EPB41L4A: variants seen among roughly 807,000 people sequenced by gnomAD.
EPB41L4A encodes the protein band 4.1-like protein 4A.
EPB41L4A carries 100 observed loss-of-function variants against 108.6 expected under a neutral mutation model. The observed-to-expected ratio is 0.92, with a 90% CI of 0.78 to 1.09. The LOEUF is 1.09. Ranked by LOEUF, EPB41L4A falls within the 50% of genes least tolerant of loss-of-function variation. The pLI, the probability that EPB41L4A is intolerant of heterozygous loss-of-function variation, is 0.00. For synonymous variants in EPB41L4A, 319 were observed against 289.0 expected (o/e 1.10, Z -1.05); for missense variants, 1,030 against 842.7 (o/e 1.22, Z -2.75).
intron 1 of EPB41L4A, among the ~76,000 whole-genome samples, chr5:112,380,793 A>T (rs1760124977): frequency 5.6e-5 from 1 of 17,754 alleles, no homozygotes; most frequent in Admixed American, 4.8e-4. Flanking sequence ...TCACACACAT[A>T]CACACACACA....
At chr5:112,336,448 TC>T (rs1467330729) in intron 1 of EPB41L4A, among the ~76,000 whole-genome samples, 1 of 152,176 alleles carries the variant, frequency 6.6e-6, no homozygotes, top group Non-Finnish European at 1.5e-5. Context: ...AAGGCAGATT[TC>T]CTCATCCCGC....
chr5:112,409,466 TG>T (rs1316421190), intron 1 of EPB41L4A, among the ~76,000 whole-genome samples: 1 of 152,130 alleles, frequency 6.6e-6, no homozygotes, highest in African/African-American at 2.4e-5. Context: ...ACAATTTAAA[TG>T]GGTAAGTTGT....
intron 12 of EPB41L4A, among the ~76,000 whole-genome samples, chr5:112,212,669 A>C (rs1007353909): frequency 4.6e-5 from 7 of 152,156 alleles, no homozygotes; most frequent in Non-Finnish European, 1.0e-4. Flanking sequence ...AGATATTACT[A>C]ATATTTAATA....
chr5:112,315,266 C>T (rs1173105451), intron 1 of EPB41L4A, among the ~76,000 whole-genome samples: 1 of 152,222 alleles, frequency 6.6e-6, no homozygotes, highest in African/African-American at 2.4e-5. Context: ...CTGATACTTA[C>T]ACTCTTGCAC....
In EPB41L4A at chr5:112,307,491, C is replaced by T. The variant is rs1754771280; in HGVS notation, c.100-1G>A. 6.2e-7 allele frequency: 1 copy of T among 1,605,970 alleles called. No individual in the cohort carries two copies. Among genetic ancestry groups the T allele is most frequent in the Non-Finnish European group, 8.5e-7 (1 of 1,173,134 alleles). On this transcript the variant is annotated splice_acceptor_variant, in intron 1 of 22. Transcript: ENST00000261486. LOFTEE classifies it high-confidence loss of function. ...GGACAACGGAACCTTTCGTTGACTT[C>T]TGCAAAAATAATTCAGTTTTATATT...
intron 1 of EPB41L4A, among the ~76,000 whole-genome samples, chr5:112,401,455 A>G (rs1761744764): frequency 6.6e-6 from 1 of 152,246 alleles, no homozygotes; most frequent in Non-Finnish European, 1.5e-5. Flanking sequence ...ATTAATTTTA[A>G]AGAATTTTTA....
At chr5:112,156,283 G>C (rs1335905983) in intron 12 of EPB41L4A, among the ~76,000 whole-genome samples, 2 of 152,124 alleles carry the variant, frequency 1.3e-5, no homozygotes, top group Non-Finnish European at 2.9e-5. Flanking sequence ...ATACACACAT[G>C]CTGAAACATT....
At chr5:112,196,758 G>GT (rs1761983848) in intron 15 of EPB41L4A, 1 of 152,266 alleles carries the variant, frequency 6.6e-6, no homozygotes, top group African/African-American at 2.4e-5. Flanking sequence ...CAAAAGCGGT[G>GT]TATTACACTA....
intron 4 of EPB41L4A, among the ~76,000 whole-genome samples, chr5:112,270,405 C>T (rs908820576): frequency 6.6e-6 from 1 of 152,130 alleles, no homozygotes; most frequent in East Asian, 1.9e-4. Flanking sequence ...TTTTATCTAA[C>T]CAGTCTTGAT....
At chr5:112,411,642 A>C (rs1460181292) in intron 1 of EPB41L4A, among the ~76,000 whole-genome samples, 1 of 150,346 alleles carries the variant, frequency 6.7e-6, no homozygotes. Flanking sequence ...AAAAAAAATC[A>C]CTTGTCCAAT....
chr5:112,240,743 C>G lies in EPB41L4A; in HGVS notation c.863G>C (p.Ser288Thr). 1.3e-6 allele frequency: 2 copies of G among 1,580,164 alleles called. No homozygotes were observed. Among genetic ancestry groups the G allele is most frequent in the Non-Finnish European group, 1.7e-6 (2 of 1,170,538 alleles). Residue 288 changes from serine to threonine, a missense_variant, in exon 10 of 23, where the codon AGT (serine) becomes ACT (threonine). Ser to Thr is a moderately conservative substitution (Grantham distance 58). Transcript: ENST00000261486. ...KTACKHLWKC[S>T]VEHHTFFRMP... ...CCTAAAAAATGTATGATGTTCCACA[C>G]TGCACTTCCAGAGGTGCTTGCAAGC...
intron 1 of EPB41L4A, among the ~76,000 whole-genome samples, chr5:112,382,515 C>A (rs559461840): frequency 2.6e-5 from 4 of 152,204 alleles, no homozygotes; most frequent in Non-Finnish European, 5.9e-5. Flanking sequence ...AAATTCTGAC[C>A]CAGTAGAAAA....
At chr5:112,289,827 C>G (rs745476177) in intron 2 of EPB41L4A, among the ~76,000 whole-genome samples, 1 of 151,986 alleles carries the variant, frequency 6.6e-6, no homozygotes, top group African/African-American at 2.4e-5. Flanking sequence ...CGCAGATCCA[C>G]GAGCAAAATG....
intron 7 of EPB41L4A, among the ~76,000 whole-genome samples, 196 bp from the exon 8 acceptor site, chr5:112,260,175 T>C (rs1289657620): frequency 6.6e-6 from 1 of 152,228 alleles, no homozygotes; most frequent in Non-Finnish European, 1.5e-5. Context: ...AAAGAAACTT[T>C]CTGTTGGCGT....
intron 1 of EPB41L4A, among the ~76,000 whole-genome samples, chr5:112,319,420 G>A (rs1302445415): frequency 6.6e-6 from 1 of 152,142 alleles, no homozygotes; most frequent in Non-Finnish European, 1.5e-5. Context: ...GACAGAATAA[G>A]AAAACTACCA....
intron 1 of EPB41L4A, among the ~76,000 whole-genome samples, chr5:112,406,555 A>G (rs1040660199): frequency 9.2e-5 from 14 of 152,124 alleles, no homozygotes; most frequent in African/African-American, 3.4e-4. Flanking sequence ...GAACCTAACC[A>G]GGAAGAGTTC....
At chr5:112,167,144 C>T (rs765703058) in intron 22 of EPB41L4A, among the ~76,000 whole-genome samples, 3 of 126,750 alleles carry the variant, frequency 2.4e-5, no homozygotes, top group African/African-American at 9.3e-5. Flanking sequence ...AAAAAAACAC[C>T]GAAAGATAAC....
intron 3 of EPB41L4A, 59 bp downstream of exon 3, chr5:112,280,210 AATC>A: frequency 7.0e-7 from 1 of 1,432,810 alleles, no homozygotes; most frequent in Non-Finnish European, 9.9e-7. Context: ...GCACCCAACT[AATC>A]ATGGACTTTG....
chr5:112,169,035 G>A lies in EPB41L4A; in HGVS notation c.1810C>T (p.Gln604Ter), dbSNP rs751062021. Residue 604 changes from glutamine (Q) to a stop codon, truncating the protein, a stop_gained, in exon 21 of 23, where the codon CAG becomes TAG. Coordinates refer to ENST00000261486, the MANE Select transcript of EPB41L4A (RefSeq NM_022140.5). LOFTEE classifies it high-confidence loss of function. ...ACTGATCGCTCCCCATCTGAACACT[G>A]GGACCTGCGATACTGGCGGTAACTT... ...PRSYRQYRRS[Q>*]CSDGERSVLS... 3.1e-6 allele frequency: 5 copies of A among 1,613,964 alleles called. No individual in the cohort carries two copies. Among genetic ancestry groups the A allele is most frequent in the Non-Finnish European group, 1.7e-6 (2 of 1,179,982 alleles).
Sources: gnomAD v4.1 joint callset for allele counts (sites outside exome capture counted in the v4.1 genomes callset) on GRCh38, gnomAD v4.1.1 for gene constraint, MANE v1.5 for transcripts, NCBI Gene and HGNC (gene_info 2026-07-23, HGNC 2026-07-21) for gene names.